The following NHSL1 variants were observed in gnomAD, a reference collection of about 807,000 sequenced individuals.
NHSL1 encodes NHS like 1, also known as NHS-like protein 1.
NHSL1 carries 48 observed loss-of-function variants against 95.0 expected under a neutral mutation model. The observed-to-expected ratio is 0.51, with a 90% confidence interval of 0.40 to 0.64. The LOEUF (loss-of-function observed/expected upper bound fraction) is 0.64. NHSL1 is among the 30% of genes least tolerant of loss of function. The probability of loss-of-function intolerance (pLI) is 0.00; values close to 1 mark genes in which losing one functional copy is unlikely to be tolerated. For synonymous variants in NHSL1, 783 were observed against 833.9 expected (o/e 0.94, Z 1.05); for missense variants, 1,971 against 2,077.7 (o/e 0.95, Z 1.00).
At chr6:138,446,041 T>C (rs201441557) in intron 4 of NHSL1, among the ~76,000 whole-genome samples, 1 of 144,254 alleles carries the variant, frequency 6.9e-6, no homozygotes, top group Admixed American at 7.7e-5. Flanking sequence ...TGATTTTTTT[T>C]TTTTTTTTTT....
upstream of NHSL1, among the ~76,000 whole-genome samples, chr6:138,549,062 C>T (rs1367486902): frequency 6.6e-6 from 1 of 151,932 alleles, no homozygotes; most frequent in East Asian, 1.9e-4. Context: ...TAAGGTGGGC[C>T]CTAAATCCAC....
At chr6:138,624,380 G>A (rs1784708111) in intron 1 of NHSL1, among the ~76,000 whole-genome samples, 1 of 152,192 alleles carries the variant, frequency 6.6e-6, no homozygotes. Context: ...AAAAGAGAAG[G>A]GAAGGAGGGC....
intron 3 of NHSL1, among the ~76,000 whole-genome samples, chr6:138,452,053 T>C (rs1777273021): frequency 6.6e-6 from 1 of 152,230 alleles, no homozygotes; most frequent in South Asian, 2.1e-4. Context: ...AAACTGAGTT[T>C]AAAATTGCCT....
intron 2 of NHSL1, among the ~76,000 whole-genome samples, chr6:138,495,611 A>G (rs1780302972): frequency 6.6e-6 from 1 of 152,216 alleles, no homozygotes. Context: ...TAAACATGCT[A>G]AAGTGTTTCT....
intron 1 of NHSL1, among the ~76,000 whole-genome samples, chr6:138,674,804 G>A (rs774726296): frequency 6.6e-6 from 1 of 152,116 alleles, no homozygotes; most frequent in Non-Finnish European, 1.5e-5. Flanking sequence ...ATTTACAACA[G>A]AATGATTTAT....
chr6:138,653,555 C>T (rs57921820), intron 1 of NHSL1, among the ~76,000 whole-genome samples: 17,032 of 151,086 alleles, frequency 0.11, 1,272 homozygotes, highest in East Asian at 0.27. Flanking sequence ...AGCAAGACTC[C>T]GTCTCAAAAA....
At position 138,422,602 on chromosome 6, in the gene NHSL1, CAAAT is replaced by C. The variant is rs1019108392; in HGVS notation, c.*1475_*1478del. ...GAAGACAATACTCTAGTTTATTTAACAAATAAAGGAGTCTAAGTACATGGAAGTT... is the reference window on the plus strand; with the variant it reads ...GAAGACAATACTCTAGTTTATTTAACAAAGGAGTCTAAGTACATGGAAGTT... On this transcript the variant is annotated 3_prime_UTR_variant, in exon 8 of 8. Transcript: ENST00000343505. The C allele has an allele frequency of 1.3e-5, 2 of 151,974 alleles. No homozygotes were observed. The highest frequency in any genetic ancestry group is 4.8e-5 in the African/African-American group (2 of 41,360). The allele number at this position is 151,974 out of a possible 1,614,324, so 9.4% of individuals were successfully genotyped here. A position where few individuals can be genotyped will look rare whatever the true frequency, so the allele number is the denominator to read the frequency against.
chr6:138,605,406 T>A (rs115675242), intron 1 of NHSL1, among the ~76,000 whole-genome samples: 190 of 152,272 alleles, frequency 1.2e-3, no homozygotes, highest in African/African-American at 4.4e-3. Context: ...CTTTTTTGTA[T>A]AATTACCTTT....
rs1430850380 is a variant in NHSL1 at position 138,431,557 on chromosome 6, G to A, written c.2788C>T (p.Pro930Ser). The A allele has an allele frequency of 6.4e-7, 1 of 1,550,634 alleles. No homozygotes were observed. Among genetic ancestry groups the A allele is most frequent in the East Asian group, 2.4e-5 (1 of 40,876 alleles). Reference sequence around the variant, plus strand: ...GGAGAGGGAACAGGAGGAGGAGGAGGAGCCGGGGGAGAGCCCACGGCTGGA... The same window carrying A: ...GGAGAGGGAACAGGAGGAGGAGGAGAAGCCGGGGGAGAGCCCACGGCTGGA... ...LDPAVGSPPA[P>S]PPPPVPSPPF... The change falls in exon 6 of 8, where the codon CCT becomes TCT. Residue 930 changes from proline (P) to serine (S), a missense_variant. By Grantham distance (74) the Pro-to-Ser change is moderately conservative. Coordinates refer to ENST00000343505, the MANE Select transcript of NHSL1 (RefSeq NM_001144060.2). The surrounding 1 kb of genome is among the most constrained non-coding windows in gnomAD (Gnocchi z 4.0).
intron 3 of NHSL1, among the ~76,000 whole-genome samples, chr6:138,467,842 T>C (rs1778492909): frequency 6.6e-6 from 1 of 152,234 alleles, no homozygotes; most frequent in African/African-American, 2.4e-5. Flanking sequence ...GTCAAAAAGT[T>C]TAAAAAATTT....
At chr6:138,548,898 C>A (rs77075524), upstream of NHSL1, among the ~76,000 whole-genome samples, 42 of 150,702 alleles carry the variant, frequency 2.8e-4, no homozygotes, top group African/African-American at 9.4e-4. Context: ...TCTCATTAAG[C>A]TACTCTCCTA....
chr6:138,508,054 G>T (rs760178257), intron 1 of NHSL1, among the ~76,000 whole-genome samples: 3 of 152,336 alleles, frequency 2.0e-5, no homozygotes, highest in Admixed American at 1.3e-4. Flanking sequence ...TATCATTGCT[G>T]CCATCGGCTT....
chr6:138,651,942 A>T (rs1785098175), intron 1 of NHSL1, among the ~76,000 whole-genome samples: 1 of 152,212 alleles, frequency 6.6e-6, no homozygotes, highest in Non-Finnish European at 1.5e-5. Context: ...CACAATAAGT[A>T]TACTCAATGT....
At chr6:138,562,722 A>T (rs1426367096) in intron 1 of NHSL1, among the ~76,000 whole-genome samples, 1 of 151,958 alleles carries the variant, frequency 6.6e-6, no homozygotes, top group African/African-American at 2.4e-5. Context: ...ACTTTTCCTC[A>T]TGTGCCTATA....
chr6:138,536,229 T>C (rs1259715100), intron 1 of NHSL1, among the ~76,000 whole-genome samples: 2 of 152,122 alleles, frequency 1.3e-5, no homozygotes, highest in African/African-American at 2.4e-5. Flanking sequence ...AATGGATCCA[T>C]TCTATGGTTT....
intron 1 of NHSL1, among the ~76,000 whole-genome samples, chr6:138,647,514 A>G (rs1785034936): frequency 6.6e-6 from 1 of 152,210 alleles, no homozygotes; most frequent in Non-Finnish European, 1.5e-5. Context: ...GTCAACCTAC[A>G]GAGGCATTTT....
At chr6:138,480,441 A>T (rs962884577) in intron 2 of NHSL1, among the ~76,000 whole-genome samples, 3 of 152,216 alleles carry the variant, frequency 2.0e-5, no homozygotes, top group Admixed American at 6.5e-5. Context: ...TCAAGGGTCA[A>T]CTGTATTTCA....
rs148442400 is a variant in NHSL1, at chr6:138,545,195, G to A, written c.16+428C>T. On this transcript the variant is annotated intron_variant, in intron 1 of 4. Coordinates refer to the NHSL1 transcript ENST00000342260. ...ATAGTCAAATTAATTTCACTCCTAA[G>A]TTCACAGAGTAAAGCTTAAAGCAAT... is the stretch of plus-strand genomic sequence containing the variant. Among the ~76,000 whole-genome samples, 905 of 151,860 alleles carry A rather than the reference G, an allele frequency of 6.0e-3. 22 individuals are homozygous for A. Among genetic ancestry groups the A allele is most frequent in the Admixed American group, 0.048 (735 of 15,242 alleles).
At position 138,437,066 on chromosome 6, in the gene NHSL1, G is replaced by A. The variant is rs1203083945; in HGVS notation, c.665-3386C>T. 2.0e-5 allele frequency among the ~76,000 whole-genome samples: 3 copies of A among 152,032 alleles called. No individual in the cohort carries two copies. In the East Asian group the frequency reaches 5.8e-4, roughly 29 times the overall value. On this transcript the variant is annotated intron_variant, in intron 5 of 7. Transcript: ENST00000343505. ...GCAGGCAGATCACCTGAGGTCAGGA[G>A]TTCGAGACCAGCCTGAACAACATAA...
Sources: gnomAD v4.1 joint callset for allele counts (sites outside exome capture counted in the v4.1 genomes callset) on GRCh38, gnomAD v4.1.1 for gene constraint, Gnocchi (gnomAD v3.1) non-coding constraint, MANE v1.5 for transcripts, NCBI Gene and HGNC (gene_info 2026-07-23, HGNC 2026-07-21) for gene names.